Variants in PIK3C2G observed in about 807,000 individuals in gnomAD.
PIK3C2G encodes the protein phosphatidylinositol-4-phosphate 3-kinase catalytic subunit type 2 gamma, also known as phosphatidylinositol 3-kinase C2 domain-containing subunit gamma.
Under a neutral mutation model 181.1 loss-of-function variants are expected in PIK3C2G, and 168 were observed. That is an observed-to-expected ratio of 0.93 (90% CI 0.82 to 1.05). PIK3C2G has a LOEUF of 1.05. PIK3C2G is among the 50% of genes least tolerant of loss of function. The pLI, the probability that PIK3C2G is intolerant of heterozygous loss-of-function variation, is 0.00. For synonymous variants in PIK3C2G, 573 were observed against 592.2 expected (o/e 0.97, Z 0.47); for missense variants, 1,869 against 1,732.8 (o/e 1.08, Z -1.40).
At chr12:18,654,252 T>C in the PIK3C2G span, among the ~76,000 whole-genome samples, 1 of 146,056 alleles carries the variant, frequency 6.8e-6, no homozygotes, top group Non-Finnish European at 1.5e-5. Context: ...AAAAGAGCAA[T>C]ACATTTTAGT....
At chr12:18,262,930 G>A (rs557393377) in intron 1 of PIK3C2G, among the ~76,000 whole-genome samples, 71 of 152,274 alleles carry the variant, frequency 4.7e-4, no homozygotes, top group African/African-American at 1.6e-3. Context: ...CTGATGAAAT[G>A]TTATACAGAT....
chr12:18,395,123 C>CTTTCTTT (rs1308877221), intron 15 of PIK3C2G, among the ~76,000 whole-genome samples: 5 of 125,678 alleles, frequency 4.0e-5, no homozygotes, highest in Admixed American at 2.1e-4. Flanking sequence ...TTCTCTCTTT[C>CTTTCTTT]CCTTCTTTCT....
At chr12:18,447,569 AG>A (rs1283604950) in intron 18 of PIK3C2G, among the ~76,000 whole-genome samples, 2 of 152,198 alleles carry the variant, frequency 1.3e-5, no homozygotes, top group African/African-American at 4.8e-5. Context: ...GTAATGGAAA[AG>A]CAAATATTAT....
At chr12:18,398,934 G>T (rs1304932007) in intron 15 of PIK3C2G, among the ~76,000 whole-genome samples, 3 of 152,056 alleles carry the variant, frequency 2.0e-5, no homozygotes, top group Non-Finnish European at 4.4e-5. Flanking sequence ...AGTGGCTCAC[G>T]CCTGTAATCC....
At chr12:18,536,183 G>A (rs1943843745) in intron 24 of PIK3C2G, among the ~76,000 whole-genome samples, 1 of 152,066 alleles carries the variant, frequency 6.6e-6, no homozygotes, top group African/African-American at 2.4e-5. Context: ...GAGTAACAGA[G>A]TAAATTAAAT....
intron 5 of PIK3C2G, among the ~76,000 whole-genome samples, chr12:18,303,139 T>TTTCTTTCTTGC (rs71302109): frequency 7.8e-6 from 1 of 128,660 alleles, no homozygotes; most frequent in Non-Finnish European, 1.6e-5. Context: ...TCTTTCTTTC[T>TTTCTTTCTTGC]TTTCTTTTCT....
At chr12:18,705,416 G>A in the PIK3C2G span, 33 of 1,395,312 alleles carry the variant, frequency 2.4e-5, no homozygotes, top group South Asian at 1.8e-4. Flanking sequence ...TACTTCTAAC[G>A]TTTAGTACCT....
At chr12:18,308,164 T>C (rs1950496483) in intron 5 of PIK3C2G, among the ~76,000 whole-genome samples, 1 of 151,892 alleles carries the variant, frequency 6.6e-6, no homozygotes, top group African/African-American at 2.4e-5. Flanking sequence ...TTGCCACGTA[T>C]AATGGTAAAA....
At chr12:18,527,277 C>T (rs539641040) in intron 24 of PIK3C2G, among the ~76,000 whole-genome samples, 1 of 152,210 alleles carries the variant, frequency 6.6e-6, no homozygotes, top group African/African-American at 2.4e-5. Flanking sequence ...ACAAATGTCT[C>T]CTAAACATAA....
intron 29 of PIK3C2G, among the ~76,000 whole-genome samples, chr12:18,584,892 C>T (rs964018939): frequency 2.5e-4 from 38 of 152,074 alleles, no homozygotes; most frequent in African/African-American, 7.2e-4. Context: ...CTGTATTCAA[C>T]ATACTTAAAG....
In PIK3C2G at chr12:18,608,024, T is replaced by C. The variant is rs144139025; in HGVS notation, c.4088-1511T>C. On this transcript the variant is annotated intron_variant, in intron 30 of 32. Coordinates refer to ENST00000538779, the MANE Select transcript of PIK3C2G (RefSeq NM_001288772.2). ...AGATACCATCTCACACCAGTTAGAA[T>C]GGCCATCATTAAAAAGTCAGGAAAC... is the stretch of plus-strand genomic sequence containing the variant. Among the ~76,000 whole-genome samples, 635 of 152,186 alleles carry C rather than the reference T, an allele frequency of 4.2e-3. 4 individuals are homozygous for C. The highest frequency in any genetic ancestry group is 0.014 in the African/African-American group (601 of 41,574).
the PIK3C2G span, among the ~76,000 whole-genome samples, chr12:18,671,614 A>T: frequency 6.6e-6 from 1 of 152,192 alleles, no homozygotes; most frequent in African/African-American, 2.4e-5. Context: ...AGTGGTGAGG[A>T]GGCACATATG....
At chr12:18,340,888 A>G (rs550646618) in intron 9 of PIK3C2G, among the ~76,000 whole-genome samples, 2 of 152,200 alleles carry the variant, frequency 1.3e-5, no homozygotes, top group African/African-American at 2.4e-5. Flanking sequence ...CACAACGCCA[A>G]TATGAAGGCT....
chr12:18,526,552 G>T lies in PIK3C2G; in HGVS notation c.3324-11604G>T, dbSNP rs12312563. ...TTGACCCAAGAACCTGAGAGGGTAC[G>T]ATTTTTCTAAATATAAATTTATTAA... is the stretch of plus-strand genomic sequence containing the variant. On this transcript the variant is annotated intron_variant, in intron 24 of 32. Coordinates refer to ENST00000538779, the MANE Select transcript of PIK3C2G (RefSeq NM_001288772.2). 7.7e-4 allele frequency among the ~76,000 whole-genome samples: 118 copies of T among 152,276 alleles called. 1 individual carries two copies. The East Asian group carries it at 0.022, about 28-fold the overall frequency.
chr12:18,431,631 T>C (rs1946162734), intron 18 of PIK3C2G, among the ~76,000 whole-genome samples: 1 of 152,194 alleles, frequency 6.6e-6, no homozygotes, highest in Non-Finnish European at 1.5e-5. Context: ...AGAGCTGTAC[T>C]TCAGGGAGGT....
intron 5 of PIK3C2G, among the ~76,000 whole-genome samples, chr12:18,305,853 A>G (rs1325636607): frequency 6.6e-6 from 1 of 151,678 alleles, no homozygotes; most frequent in African/African-American, 2.4e-5. Context: ...CACATACCAT[A>G]CCCCCCACAA....
At chr12:18,684,764 C>T in the PIK3C2G span, among the ~76,000 whole-genome samples, 1 of 151,946 alleles carries the variant, frequency 6.6e-6, no homozygotes, top group African/African-American at 2.4e-5. Flanking sequence ...TATGGTTAAG[C>T]TTTGTGCCCC....
intron 17 of PIK3C2G, among the ~76,000 whole-genome samples, chr12:18,421,434 T>C (rs1191966979): frequency 6.6e-6 from 1 of 152,042 alleles, no homozygotes; most frequent in Non-Finnish European, 1.5e-5. Context: ...ATATTGATAA[T>C]AAATTTTATC....
intron 18 of PIK3C2G, among the ~76,000 whole-genome samples, chr12:18,484,650 T>C (rs1939869173): frequency 6.6e-6 from 1 of 152,160 alleles, no homozygotes; most frequent in African/African-American, 2.4e-5. Context: ...AAAAATGGGC[T>C]AGTCAGAAAA....
Sources: gnomAD v4.1 joint callset for allele counts (sites outside exome capture counted in the v4.1 genomes callset) on GRCh38, gnomAD v4.1.1 for gene constraint, MANE v1.5 for transcripts, NCBI Gene and HGNC (gene_info 2026-07-23, HGNC 2026-07-21) for gene names.